Variants in TBX18 observed in about 807,000 individuals in gnomAD.
TBX18 encodes the protein T-box transcription factor 18, also known as T-box transcription factor TBX18.
Under a neutral mutation model 55.0 loss-of-function variants are expected in TBX18, and 21 were observed. The observed-to-expected ratio is 0.38, with a 90% CI of 0.27 to 0.55. TBX18 has a LOEUF of 0.55. Among genes scored for constraint, TBX18 ranks in the 20% least tolerant of loss-of-function variants. TBX18 has a pLI of 0.73. For missense variants in TBX18, 840 were observed against 799.6 expected, an observed-to-expected ratio of 1.05 and a Z score of -0.61; for synonymous variants, 342 against 326.1, an observed-to-expected ratio of 1.05 and a Z score of -0.53.
intron 4 of TBX18, among the ~76,000 whole-genome samples, 197 bp downstream of exon 4, chr6:84,756,501 A>G (rs1433075229): frequency 3.3e-5 from 5 of 152,248 alleles, no homozygotes; most frequent in African/African-American, 1.2e-4. Context: ...GTTTTAACCT[A>G]TTAAATGCCT....
At chr6:84,762,219 C>T (rs529995596) in intron 2 of TBX18, among the ~76,000 whole-genome samples, 1 of 152,104 alleles carries the variant, frequency 6.6e-6, no homozygotes, top group African/African-American at 2.4e-5. Flanking sequence ...TAAATAAATA[C>T]CTGGACAAGG....
intron 6 of TBX18, chr6:84,741,921 A>G (rs1412399683): frequency 6.6e-6 from 1 of 152,178 alleles, no homozygotes; most frequent in African/African-American, 2.4e-5. Context: ...AGGTGACTGA[A>G]TTATCTCTTC....
Position 84,734,291 on chromosome 6 carries a change from C to T in TBX18, c.*2394G>A, listed in dbSNP as rs772445743. The T allele has an allele frequency of 5.3e-5, 8 of 152,134 alleles. No individual in the cohort carries two copies. Among genetic ancestry groups the T allele is most frequent in the South Asian group, 2.1e-4 (1 of 4,822 alleles). The allele number at this position is 152,134 out of a possible 1,614,324, so 9.4% of individuals were successfully genotyped here. A position where few individuals can be genotyped will look rare whatever the true frequency, so the allele number is the denominator to read the frequency against. On this transcript the variant is annotated 3_prime_UTR_variant, in exon 8 of 8. Coordinates refer to ENST00000369663, the MANE Select transcript of TBX18 (RefSeq NM_001080508.3). The stretch of plus-strand genomic sequence containing the variant: ...ACATGGTCAACACACCAAGAAATTA[C>T]ATTTAACACATGAAACATGAACAGC...
At position 84,737,284 on chromosome 6, in the gene TBX18, G is replaced by C; in HGVS notation, c.1225C>G (p.Leu409Val). 1.2e-6 allele frequency: 2 copies of C among 1,608,328 alleles called. No homozygotes were observed. The highest frequency in any genetic ancestry group is 1.7e-6 in the Non-Finnish European group (2 of 1,177,090). ...AFHLGPNTSQ[L>V]CSLAPADYSA... ...TAGTCAGCAGGGGCCAGACTACACA[G>C]CTGGCTGGTGTTGGGCCCCAGATGG... Residue 409 changes from leucine to valine, a missense_variant, in exon 8 of 8, where the codon CTG becomes GTG. Transcript: ENST00000369663.
chr6:84,739,330 T>G (rs1259959250), intron 6 of TBX18, among the ~76,000 whole-genome samples: 3 of 152,054 alleles, frequency 2.0e-5, no homozygotes, highest in Non-Finnish European at 4.4e-5. Context: ...AGAGACAGGG[T>G]AAGTTTCATA....
rs748812667 is a variant in TBX18 at position 84,764,074 on chromosome 6, C to T, written c.108G>A (p.Lys36=). Residue 36 remains lysine, a synonymous_variant, in exon 1 of 8, where the codon AAG becomes AAA. Coordinates refer to ENST00000369663, the MANE Select transcript of TBX18 (RefSeq NM_001080508.3). ...IGAEKQQQLQ[K]KRRKLGAEEA... ...CTTCGGCGCCCAGTTTTCGCCGCTT[C>T]TTCTGAAGCTGTTGCTGCTTCTCGG... 5.7e-6 allele frequency: 9 copies of T among 1,580,896 alleles called. No homozygotes were observed. Among genetic ancestry groups the T allele is most frequent in the East Asian group, 2.3e-5 (1 of 43,946 alleles).
intron 2 of TBX18, among the ~76,000 whole-genome samples, chr6:84,762,127 T>C (rs1296996700): frequency 2.6e-5 from 4 of 151,454 alleles, no homozygotes; most frequent in African/African-American, 4.8e-5. Context: ...CATAGTTTAC[T>C]GGAGTAAACT....
At chr6:84,740,556 G>A (rs1002887389) in intron 6 of TBX18, among the ~76,000 whole-genome samples, 5 of 130,666 alleles carry the variant, frequency 3.8e-5, no homozygotes, top group African/African-American at 1.3e-4. Flanking sequence ...TGGGCAGTTT[G>A]GCAGACCTGG....
rs751721297 is a variant in TBX18 at position 84,744,225 on chromosome 6, T to A, written c.1004+36A>T. ...AATTCATAATAAAATATCAAATATA[T>A]TTATCATAACCGGAATGGTCTTCAC... On this transcript the variant is annotated intron_variant, in intron 6 of 7. Coordinates refer to ENST00000369663, the MANE Select transcript of TBX18 (RefSeq NM_001080508.3). The A allele has an allele frequency of 8.4e-6, 13 of 1,555,312 alleles. No individual in the cohort carries two copies. In the South Asian group the frequency reaches 1.6e-4, roughly 19 times the overall value.
chr6:84,754,840 A>G (rs1220818768), intron 4 of TBX18, among the ~76,000 whole-genome samples: 3 of 152,180 alleles, frequency 2.0e-5, no homozygotes, highest in East Asian at 3.9e-4. Context: ...GAGAAAACAG[A>G]CTGAGATCCC....
At chr6:84,738,773 C>G (rs920243973) in intron 6 of TBX18, among the ~76,000 whole-genome samples, 182 bp from the exon 7 acceptor site, 3 of 152,156 alleles carry the variant, frequency 2.0e-5, no homozygotes, top group Non-Finnish European at 4.4e-5. Flanking sequence ...ATCCTGTTAC[C>G]AGCAGCAGGA....
At chr6:84,759,048 T>C (rs186735130) in intron 3 of TBX18, among the ~76,000 whole-genome samples, 2 of 152,134 alleles carry the variant, frequency 1.3e-5, no homozygotes, top group Non-Finnish European at 2.9e-5. Flanking sequence ...TTAAGAATTA[T>C]ATTATCTTCC....
At chr6:84,752,315 A>G (rs1767371715) in intron 4 of TBX18, among the ~76,000 whole-genome samples, 1 of 152,184 alleles carries the variant, frequency 6.6e-6, no homozygotes, top group Non-Finnish European at 1.5e-5. Context: ...GCTGACTGGA[A>G]ATTTTCCAGA....
intron 4 of TBX18, among the ~76,000 whole-genome samples, chr6:84,751,365 T>C (rs966408787): frequency 2.0e-5 from 3 of 152,228 alleles, no homozygotes; most frequent in Admixed American, 2.0e-4. Flanking sequence ...AAGTGGGGTA[T>C]ATTGGAGTAG....
intron 4 of TBX18, among the ~76,000 whole-genome samples, chr6:84,751,422 A>G (rs751988109): frequency 6.6e-6 from 1 of 152,248 alleles, no homozygotes; most frequent in Non-Finnish European, 1.5e-5. Context: ...GTTAAGAAGC[A>G]ACTATCAATA....
intron 4 of TBX18, 24 bp downstream of exon 4, chr6:84,756,673 TG>T: frequency 6.2e-7 from 1 of 1,609,770 alleles, no homozygotes; most frequent in Admixed American, 1.7e-5. Flanking sequence ...CATCTACAGA[TG>T]CATTAGAGAG....
intron 7 of TBX18, among the ~76,000 whole-genome samples, chr6:84,738,251 T>G (rs1766937151): frequency 6.6e-6 from 1 of 152,134 alleles, no homozygotes; most frequent in Non-Finnish European, 1.5e-5. Flanking sequence ...ATACGAGATT[T>G]AAGGATGAGG....
chr6:84,758,437 G>T lies in TBX18; in HGVS notation c.600-1568C>A, dbSNP rs1272828638. On this transcript the variant is annotated intron_variant, in intron 3 of 7. Coordinates refer to ENST00000369663, the MANE Select transcript of TBX18 (RefSeq NM_001080508.3). The stretch of plus-strand genomic sequence containing the variant: ...AAAAAAAAAAAGAAAGAAAGAAAAA[G>T]AAACCTTTTTCTTTTAAGTGGTATG... Among the ~76,000 whole-genome samples, 4 of 149,920 alleles carry T rather than the reference G, an allele frequency of 2.7e-5. No homozygotes were observed. In the East Asian group the frequency reaches 7.8e-4, roughly 29 times the overall value.
At chr6:84,753,033 T>C (rs1252037232) in intron 4 of TBX18, among the ~76,000 whole-genome samples, 1 of 152,210 alleles carries the variant, frequency 6.6e-6, no homozygotes, top group Non-Finnish European at 1.5e-5. Flanking sequence ...TCAAGCATAC[T>C]AACTCTTCTG....
Sources: allele counts gnomAD v4.1 joint callset (sites outside exome capture counted in the v4.1 genomes callset), GRCh38; gene constraint gnomAD v4.1.1; transcripts MANE v1.5; gene names NCBI Gene and HGNC (gene_info 2026-07-23, HGNC 2026-07-21).